Variants in FGFR2 observed in about 807,000 individuals in gnomAD.
The protein encoded by FGFR2 is BEK fibroblast growth factor receptor.
In FGFR2, 19 loss-of-function variants were observed where a neutral mutation model predicts 95.9. The observed-to-expected ratio is 0.20, with a 90% CI of 0.14 to 0.29. The LOEUF is 0.29. FGFR2 is among the 10% of genes least tolerant of loss of function. The pLI is 1.00. For synonymous variants in FGFR2, 392 were observed against 393.3 expected, an observed-to-expected ratio of 1.00 and a Z score of 0.04; for missense variants, 707 against 1,056.9, an observed-to-expected ratio of 0.67 and a Z score of 4.59.
chr10:121,579,060 G>A (rs1298027508), intron 2 of FGFR2, among the ~76,000 whole-genome samples: 3 of 152,188 alleles, frequency 2.0e-5, no homozygotes, highest in Admixed American at 2.0e-4. Context: ...GAGACTTTGA[G>A]ACCCGCCTCT....
At chr10:121,550,414 A>T (rs554269828) in intron 5 of FGFR2, among the ~76,000 whole-genome samples, 1 of 152,322 alleles carries the variant, frequency 6.6e-6, no homozygotes, top group Admixed American at 6.5e-5. Flanking sequence ...GGATGAACAA[A>T]GGCTAGAGGA....
intron 6 of FGFR2, among the ~76,000 whole-genome samples, chr10:121,522,825 C>T (rs1850745853): frequency 6.6e-6 from 1 of 152,142 alleles, no homozygotes; most frequent in South Asian, 2.1e-4. Flanking sequence ...GGTGTGGGTA[C>T]CACTACCCTA....
chr10:121,556,518 C>T (rs149142442), intron 4 of FGFR2, among the ~76,000 whole-genome samples: 1,584 of 151,902 alleles, frequency 0.01, 15 homozygotes, highest in Non-Finnish European at 0.016. Context: ...AAAGAGACCT[C>T]GGTGACCATC....
chr10:121,575,286 G>A (rs45631624), intron 2 of FGFR2, among the ~76,000 whole-genome samples: 12 of 152,220 alleles, frequency 7.9e-5, no homozygotes, highest in East Asian at 1.9e-4. Flanking sequence ...GTGAGTCACC[G>A]TGTCTCCCAA....
intron 9 of FGFR2, among the ~76,000 whole-genome samples, chr10:121,504,894 G>A (rs1848081247): frequency 6.6e-6 from 1 of 152,176 alleles, no homozygotes; most frequent in East Asian, 1.9e-4. Context: ...CGCAATCTTA[G>A]TCTGACCACA....
rs1845635729 is a variant in FGFR2, at chr10:121,487,974, T to C, written c.1986+17A>G. The C allele has an allele frequency of 5.6e-6, 9 of 1,614,062 alleles. No individual in the cohort carries two copies. Among genetic ancestry groups the C allele is most frequent in the Non-Finnish European group, 6.8e-6 (8 of 1,179,968 alleles). ...TCACCCCCGCCCCTGCCCACTGTGT[T>C]ACTGCCATCGACTTACATTGGTGGT... On this transcript the variant is annotated intron_variant, in intron 14 of 17. Coordinates refer to ENST00000358487, the MANE Select transcript of FGFR2 (RefSeq NM_000141.5).
intron 6 of FGFR2, among the ~76,000 whole-genome samples, chr10:121,534,075 G>A (rs1052082714): frequency 2.1e-5 from 3 of 145,790 alleles, no homozygotes; most frequent in African/African-American, 7.5e-5. Context: ...GGCCACGTCT[G>A]TAGGTCCCAA....
intron 2 of FGFR2, among the ~76,000 whole-genome samples, chr10:121,579,247 G>A (rs55757170): frequency 6.6e-6 from 1 of 152,342 alleles, no homozygotes; most frequent in Non-Finnish European, 1.5e-5. Context: ...GCACGTCTGA[G>A]AGCAAGCACT....
At position 121,479,831 on chromosome 10, in the gene FGFR2, GT is replaced by G. The variant is rs773909650; in HGVS notation, c.*25del. On this transcript the variant is annotated 3_prime_UTR_variant, in exon 18 of 18. Transcript: ENST00000358487. Reference sequence around the variant, plus strand: ...GTAGCTAGGTTCCCAGTGCTGTCCTGTTTGGGGACAGGCAGACACAGTCATT... The same window carrying G: ...GTAGCTAGGTTCCCAGTGCTGTCCTGTTGGGGACAGGCAGACACAGTCATT... 1.9e-6 allele frequency: 3 copies of G among 1,614,062 alleles called. No individual in the cohort carries two copies. Among genetic ancestry groups the G allele is most frequent in the Non-Finnish European group, 2.5e-6 (3 of 1,179,954 alleles).
intron 17 of FGFR2, among the ~76,000 whole-genome samples, chr10:121,483,074 G>A (rs2133755044): frequency 6.6e-6 from 1 of 152,306 alleles, no homozygotes; most frequent in East Asian, 1.9e-4. Context: ...TGGGATTACA[G>A]GCGAGAGCAT....
chr10:121,571,044 A>G (rs1395202816), intron 2 of FGFR2, among the ~76,000 whole-genome samples: 2 of 150,808 alleles, frequency 1.3e-5, no homozygotes, highest in Admixed American at 1.3e-4. Context: ...GCTGGAGTGC[A>G]GTGGCGCGAT....
chr10:121,494,382 G>A (rs867610700), intron 13 of FGFR2, among the ~76,000 whole-genome samples: 1 of 152,018 alleles, frequency 6.6e-6, no homozygotes, highest in African/African-American at 2.4e-5. Flanking sequence ...ATGAGACATC[G>A]GGGGTGCTCT....
intron 2 of FGFR2, among the ~76,000 whole-genome samples, chr10:121,584,004 A>G (rs1257871441): frequency 6.6e-6 from 1 of 152,066 alleles, no homozygotes; most frequent in African/African-American, 2.4e-5. Context: ...CAGGCACTCA[A>G]TAAATGGTAG....
rs41295509 is a variant in FGFR2 at position 121,539,760 on chromosome 10, G to C, written c.625-1045C>G. Among the ~76,000 whole-genome samples the C allele has an allele frequency of 3.2e-3, 486 of 152,354 alleles. 4 individuals carry two copies. The highest frequency in any genetic ancestry group is 4.4e-3 in the Non-Finnish European group (297 of 68,036). On this transcript the variant is annotated intron_variant, in intron 5 of 17. Transcript: ENST00000358487. Reference sequence around the variant, plus strand: ...CCTTCTGAGCCATGCCCTGGGCATTGCAAGTGTTTTTGGGTTAATCACGTA... The same window carrying C: ...CCTTCTGAGCCATGCCCTGGGCATTCCAAGTGTTTTTGGGTTAATCACGTA...
chr10:121,579,855 C>T lies in FGFR2; in HGVS notation c.109+13854G>A, dbSNP rs976159402. Among the ~76,000 whole-genome samples the T allele has an allele frequency of 5.9e-5, 9 of 152,326 alleles. No individual in the cohort carries two copies. In the South Asian group the frequency reaches 1.7e-3, roughly 28 times the overall value. On this transcript the variant is annotated intron_variant, in intron 2 of 17. Transcript: ENST00000358487. ...CGAGTTGGGGCGGCTGGCCTGCATT[C>T]CAGAGAGCATACCCTAAAGCCTGAC...
chr10:121,596,263 G>A (rs2135518311), intron 1 of FGFR2, among the ~76,000 whole-genome samples: 1 of 152,290 alleles, frequency 6.6e-6, no homozygotes, highest in African/African-American at 2.4e-5. Flanking sequence ...TTTCACCTCG[G>A]CACAAGCCTG....
chr10:121,509,883 C>T (rs558376269), intron 9 of FGFR2, among the ~76,000 whole-genome samples: 2 of 151,988 alleles, frequency 1.3e-5, no homozygotes, highest in Admixed American at 6.6e-5. Flanking sequence ...GGAGAAGAGA[C>T]GAATTAATAT....
At chr10:121,574,040 T>A (rs1859292430) in intron 2 of FGFR2, among the ~76,000 whole-genome samples, 2 of 152,186 alleles carry the variant, frequency 1.3e-5, no homozygotes, top group Admixed American at 1.3e-4. Context: ...ACTGGCCCTC[T>A]TAGTCTGGAA....
intron 6 of FGFR2, among the ~76,000 whole-genome samples, chr10:121,530,647 C>G (rs376595131): frequency 5.5e-4 from 83 of 152,206 alleles, no homozygotes; most frequent in African/African-American, 1.8e-3. Flanking sequence ...TGAGGTCTTT[C>G]GGTTTACAAA....
Sources: gnomAD v4.1 joint callset for allele counts (sites outside exome capture counted in the v4.1 genomes callset) on GRCh38, gnomAD v4.1.1 for gene constraint, MANE v1.5 for transcripts, NCBI Gene and HGNC (gene_info 2026-07-23, HGNC 2026-07-21) for gene names.